Variants in DNM3 observed in about 807,000 individuals in gnomAD.
DNM3 encodes the protein dynamin 3.
Under a neutral mutation model 101.6 loss-of-function variants are expected in DNM3, and 47 were observed. The observed-to-expected ratio is 0.46, with a 90% CI of 0.37 to 0.59. The LOEUF (loss-of-function observed/expected upper bound fraction) is 0.59. Among genes scored for constraint, DNM3 ranks in the 20% least tolerant of loss-of-function variants. The pLI, the probability that DNM3 is intolerant of heterozygous loss-of-function variation, is 0.00. For synonymous variants in DNM3, 385 were observed against 387.9 expected (o/e 0.99, Z 0.09); for missense variants, 849 against 1,085.7 (o/e 0.78, Z 3.06).
chr1:172,073,460 C>T (rs547739559), intron 11 of DNM3, among the ~76,000 whole-genome samples: 1 of 152,122 alleles, frequency 6.6e-6, no homozygotes, highest in African/African-American at 2.4e-5. Flanking sequence ...TAATTTTATA[C>T]ATATACATAA....
chr1:171,870,431 T>A (rs2035160877), intron 1 of DNM3, among the ~76,000 whole-genome samples: 1 of 151,066 alleles, frequency 6.6e-6, no homozygotes, highest in Non-Finnish European at 1.5e-5. Flanking sequence ...AGAGTAAGAC[T>A]CCCTCCATCT....
At chr1:171,956,392 G>T (rs1171632740) in intron 2 of DNM3, among the ~76,000 whole-genome samples, 1 of 152,152 alleles carries the variant, frequency 6.6e-6, no homozygotes, top group African/African-American at 2.4e-5. Context: ...ATCCAGTGGG[G>T]CAGTCAAATC....
intron 15 of DNM3, among the ~76,000 whole-genome samples, chr1:172,274,723 G>GTTTT (rs375210621): frequency 8.6e-6 from 1 of 116,932 alleles, no homozygotes. Context: ...TCTAGTGAAG[G>GTTTT]TTTTTTTTTT....
chr1:172,239,283 A>G lies in DNM3; in HGVS notation c.1660-14290A>G, dbSNP rs149425798. ...TTTTTCCCTCACAGTTCAAAAGCTT[A>G]CAAGTATAAAAGCTTGCTGTTGTAA... On this transcript the variant is annotated intron_variant, in intron 14 of 20. Transcript: ENST00000627582. 5.3e-4 allele frequency among the ~76,000 whole-genome samples: 80 copies of G among 152,306 alleles called. No individual in the cohort carries two copies. The East Asian group carries it at 0.012, about 23-fold the overall frequency.
chr1:171,844,899 T>C (rs2031827372), intron 1 of DNM3, among the ~76,000 whole-genome samples: 1 of 152,198 alleles, frequency 6.6e-6, no homozygotes, highest in Non-Finnish European at 1.5e-5. Flanking sequence ...AGTGCAGTGG[T>C]GATGATAATA....
At chr1:172,102,566 A>C (rs1352834846) in intron 13 of DNM3, among the ~76,000 whole-genome samples, 1 of 152,194 alleles carries the variant, frequency 6.6e-6, no homozygotes, top group Non-Finnish European at 1.5e-5. Context: ...AAACCAGTGA[A>C]GAGATTATCT....
chr1:172,138,605 T>G (rs2148135820), intron 14 of DNM3: 1 of 203,312 alleles, frequency 4.9e-6, no homozygotes, highest in African/African-American at 2.4e-5. Context: ...TGGGTTTTAT[T>G]ATATTTCATA....
intron 15 of DNM3, among the ~76,000 whole-genome samples, chr1:172,270,069 G>A (rs933382421): frequency 7.9e-5 from 12 of 152,118 alleles, no homozygotes; most frequent in Admixed American, 2.0e-4. Flanking sequence ...AAAAACTTAC[G>A]TCAAATAGTA....
intron 4 of DNM3, among the ~76,000 whole-genome samples, chr1:172,009,571 A>G (rs551312934): frequency 1.3e-5 from 2 of 151,972 alleles, no homozygotes; most frequent in South Asian, 2.1e-4. Context: ...CAAGTGTTCA[A>G]TAGCCACATA....
At chr1:171,994,463 G>A (rs2045858681) in intron 4 of DNM3, among the ~76,000 whole-genome samples, 1 of 152,090 alleles carries the variant, frequency 6.6e-6, no homozygotes, top group Non-Finnish European at 1.5e-5. Flanking sequence ...TTTGGGGTAT[G>A]GCTTCAATGC....
At chr1:171,857,585 CT>C (rs2125026365) in intron 1 of DNM3, among the ~76,000 whole-genome samples, 1 of 152,202 alleles carries the variant, frequency 6.6e-6, no homozygotes, top group South Asian at 2.1e-4. Flanking sequence ...TGATTTTGAC[CT>C]TCTCAGATGT....
At chr1:172,093,974 C>G (rs2054085097) in intron 13 of DNM3, among the ~76,000 whole-genome samples, 1 of 151,992 alleles carries the variant, frequency 6.6e-6, no homozygotes, top group Admixed American at 6.6e-5. Context: ...AATAATAAAC[C>G]CTTAACACTG....
At chr1:172,358,179 C>T (rs2067545107) in intron 17 of DNM3, among the ~76,000 whole-genome samples, 1 of 152,020 alleles carries the variant, frequency 6.6e-6, no homozygotes, top group South Asian at 2.1e-4. Flanking sequence ...ATAGCAGTTT[C>T]CCTTTCGGGA....
intron 14 of DNM3, among the ~76,000 whole-genome samples, chr1:172,214,444 T>TA (rs201122900): frequency 0.011 from 1,672 of 149,180 alleles, 23 homozygotes; most frequent in African/African-American, 0.037. Flanking sequence ...TAAAGTATAA[T>TA]AAAAAAAAAG....
intron 15 of DNM3, among the ~76,000 whole-genome samples, chr1:172,284,004 T>C (rs1431704008): frequency 6.6e-6 from 1 of 152,114 alleles, no homozygotes; most frequent in Non-Finnish European, 1.5e-5. Context: ...GCTACAATTT[T>C]CTCTTTTATA....
chr1:172,116,593 A>G (rs375616959), intron 13 of DNM3, among the ~76,000 whole-genome samples: 62 of 152,338 alleles, frequency 4.1e-4, no homozygotes, highest in African/African-American at 1.2e-3. Context: ...AGGACCCTGT[A>G]TTCTCAAGGG....
chr1:171,841,928 G>A (rs2031261812), intron 1 of DNM3, 111 bp downstream of exon 1: 2 of 1,395,376 alleles, frequency 1.4e-6, no homozygotes, highest in South Asian at 2.7e-5. Context: ...CAGGCGCTGC[G>A]GTGGAATGGG....
At chr1:172,081,446 C>G (rs1019816122) in intron 11 of DNM3, among the ~76,000 whole-genome samples, 2 of 152,154 alleles carry the variant, frequency 1.3e-5, no homozygotes, top group African/African-American at 2.4e-5. Context: ...TCTACAGGAA[C>G]AGTAAGCTCA....
chr1:172,026,603 A>G (rs763800024), intron 4 of DNM3, among the ~76,000 whole-genome samples: 2 of 152,012 alleles, frequency 1.3e-5, no homozygotes, highest in Non-Finnish European at 2.9e-5. Flanking sequence ...CTAACAGCAG[A>G]TCTCTCTACA....
Sources: gnomAD v4.1 joint callset for allele counts (sites outside exome capture counted in the v4.1 genomes callset) on GRCh38, gnomAD v4.1.1 for gene constraint, MANE v1.5 for transcripts, NCBI Gene and HGNC (gene_info 2026-07-23, HGNC 2026-07-21) for gene names.